The following HDGFL2 variants were observed in gnomAD, a reference collection of about 807,000 sequenced individuals.
HDGFL2 encodes the protein hepatoma-derived growth factor-related protein 2.
Under a neutral mutation model 77.1 loss-of-function variants are expected in HDGFL2, and 36 were observed. The ratio of observed to expected loss-of-function variants is 0.47; its 90% confidence interval spans 0.36 to 0.62. The LOEUF (loss-of-function observed/expected upper bound fraction) is 0.62, where lower values mean the gene tolerates loss of function less well. Among genes scored for constraint, HDGFL2 ranks in the 20% least tolerant of loss-of-function variants. The pLI, the probability that HDGFL2 is intolerant of heterozygous loss-of-function variation, is 0.00. For synonymous variants in HDGFL2, 463 were observed against 413.1 expected (o/e 1.12, Z -1.46); for missense variants, 976 against 973.4 (o/e 1.00, Z -0.04).
intron 3 of HDGFL2, among the ~76,000 whole-genome samples, chr19:4,483,692 C>T (rs1410501279): frequency 6.6e-6 from 1 of 152,082 alleles, no homozygotes; most frequent in Non-Finnish European, 1.5e-5. Flanking sequence ...TCTCCTCCAC[C>T]TTGCTCTCTC....
chr19:4,478,054 TG>T (rs1975114939), intron 3 of HDGFL2, among the ~76,000 whole-genome samples: 1 of 131,656 alleles, frequency 7.6e-6, no homozygotes, highest in Non-Finnish European at 1.6e-5. Context: ...TACTCCAGCC[TG>T]GGCAACAGAA....
At position 4,475,283 on chromosome 19, in the gene HDGFL2, C is replaced by A. The variant is rs1975041832; in HGVS notation, c.81C>A (p.Asp27Glu). The A allele has an allele frequency of 2.5e-6, 4 of 1,614,120 alleles. No individual in the cohort carries two copies. The highest frequency in any genetic ancestry group is 3.4e-6 in the Non-Finnish European group (4 of 1,180,014). ...GYPHWPARIDDIADGAVKPPP... is the reference protein window; with the variant it reads ...GYPHWPARIDEIADGAVKPPP... ...CTGGCCTCTCACTGCAGATCGACGACATCGCGGATGGCGCCGTGAAGCCCC... is the reference window on the plus strand; with the variant it reads ...CTGGCCTCTCACTGCAGATCGACGAAATCGCGGATGGCGCCGTGAAGCCCC... The change falls in exon 2 of 16, where the codon GAC becomes GAA. Residue 27 changes from aspartate (D) to glutamate (E), a missense_variant. By Grantham distance (45) the Asp-to-Glu change is conservative. Around this residue, in one of 5 missense-constraint regions of HDGFL2, gnomAD observed 103 missense variants for 145.7 expected, o/e 0.71. Transcript: ENST00000616600.
At chr19:4,496,015 C>T (rs1975692309) in intron 9 of HDGFL2, among the ~76,000 whole-genome samples, 1 of 152,076 alleles carries the variant, frequency 6.6e-6, no homozygotes, top group African/African-American at 2.4e-5. Context: ...GAAAGGGCAC[C>T]GAACTCCTGG....
Position 4,498,330 on chromosome 19 carries a change from A to T in HDGFL2, c.1427A>T (p.Gln476Leu), listed in dbSNP as rs746091792. The change falls in exon 12 of 16, where the codon CAG becomes CTG. Residue 476 changes from glutamine to leucine, a missense_variant. Coordinates refer to ENST00000616600, the MANE Select transcript of HDGFL2 (RefSeq NM_001001520.3). The stretch of plus-strand genomic sequence containing the variant: ...GAGCCCTCCGTGGAGGAGAAGCTGC[A>T]GAAGCTGCACAGTGAGATCAAGTTT... ...KKEPSVEEKL[Q>L]KLHSEIKFAL... is the part of the protein sequence containing the mutation. The T allele has an allele frequency of 3.1e-6, 5 of 1,613,780 alleles. No homozygotes were observed. Among genetic ancestry groups the T allele is most frequent in the Non-Finnish European group, 3.4e-6 (4 of 1,179,986 alleles).
intron 3 of HDGFL2, among the ~76,000 whole-genome samples, chr19:4,486,770 C>G (rs912274290): frequency 1.3e-5 from 2 of 152,124 alleles, no homozygotes; most frequent in African/African-American, 4.8e-5. Flanking sequence ...TTCACCATCT[C>G]CACCCGCTTC....
intron 1 of HDGFL2, among the ~76,000 whole-genome samples, chr19:4,473,331 C>A (rs972856304): frequency 6.7e-6 from 1 of 149,772 alleles, no homozygotes. Flanking sequence ...CCATGGGGAT[C>A]TGGGGTTGCC....
rs34398630 is a variant in HDGFL2, at chr19:4,482,026, C to CTTTTTTTTTT, written c.288+6458_288+6467dup. 4.0e-4 allele frequency among the ~76,000 whole-genome samples: 29 copies of CTTTTTTTTTT among 71,658 alleles called. 1 individual carries two copies. Among genetic ancestry groups the CTTTTTTTTTT allele is most frequent in the African/African-American group, 7.9e-4 (13 of 16,554 alleles). 47.0% of individuals were successfully genotyped at this position (71,658 alleles called of 152,430 possible). On this transcript the variant is annotated intron_variant, in intron 3 of 15. Transcript: ENST00000616600. Reference sequence around the variant, plus strand: ...GGACTGGAAGTTGGCTGGCTTTGGCCTTTTTTTTTTTTTTTTTTTTTTTTG... The same window carrying CTTTTTTTTTT: ...GGACTGGAAGTTGGCTGGCTTTGGCCTTTTTTTTTTTTTTTTTTTTTTTTTTTTTTTTTTG...
intron 10 of HDGFL2, 84 bp downstream of exon 10, chr19:4,496,489 C>G: frequency 9.6e-7 from 1 of 1,045,068 alleles, no homozygotes; most frequent in South Asian, 1.3e-5. Flanking sequence ...AGGGGCAGCC[C>G]CACCTCTGAG....
intron 10 of HDGFL2, 54 bp downstream of exon 10, chr19:4,496,459 C>G: frequency 1.5e-6 from 2 of 1,351,940 alleles, no homozygotes; most frequent in Non-Finnish European, 2.1e-6. Flanking sequence ...CCGCATCACC[C>G]CACAACCCTC....
chr19:4,494,508 TCACTC>T (rs1323338827), intron 9 of HDGFL2, 33 bp downstream of exon 9: 1 of 1,349,100 alleles, frequency 7.4e-7, no homozygotes, highest in South Asian at 1.8e-5. Flanking sequence ...GTCCCTGCCT[TCACTC>T]CACACGTTTA....
chr19:4,497,964 G>C lies in HDGFL2; in HGVS notation c.1335G>C (p.Val445=), dbSNP rs1975751036. ...RPEEKQQAKP[V]KVERTRKRSE... ...GGGGAGCACTTCTCCACAGGCCCGT[G>C]AAGGTGGAGCGGACCCGGAAGCGGT... Residue 445 remains valine, a synonymous_variant, in exon 11 of 16, where the codon GTG becomes GTC. Transcript: ENST00000616600. The C allele has an allele frequency of 1.9e-6, 3 of 1,553,372 alleles. No homozygotes were observed. Among genetic ancestry groups the C allele is most frequent in the Admixed American group, 2.0e-5 (1 of 51,164 alleles).
At chr19:4,485,098 G>T (rs935922482) in intron 3 of HDGFL2, among the ~76,000 whole-genome samples, 27 of 152,138 alleles carry the variant, frequency 1.8e-4, no homozygotes, top group African/African-American at 6.5e-4. Flanking sequence ...GAGCCACTGC[G>T]CCTGGCCCAG....
intron 6 of HDGFL2, among the ~76,000 whole-genome samples, chr19:4,493,182 GGT>G (rs1975590043): frequency 7.6e-6 from 1 of 132,192 alleles, no homozygotes; most frequent in South Asian, 2.4e-4. Context: ...GTGTGTGCGT[GGT>G]GTGTGTGTTG....
At chr19:4,488,913 C>G (rs1038682096) in intron 4 of HDGFL2, 37 bp downstream of exon 4, 1 of 1,502,590 alleles carries the variant, frequency 6.7e-7, no homozygotes. Flanking sequence ...CCTTCATCCC[C>G]TTGCCCTGAT....
intron 9 of HDGFL2, among the ~76,000 whole-genome samples, chr19:4,494,797 A>G (rs1975657920): frequency 1.3e-5 from 2 of 152,132 alleles, no homozygotes; most frequent in Admixed American, 1.3e-4. Context: ...GTGCGCCTGT[A>G]TAGTCCCGGC....
intron 10 of HDGFL2, chr19:4,497,094 C>A (rs183047202): frequency 2.3e-6 from 1 of 428,014 alleles, no homozygotes; most frequent in Non-Finnish European, 4.6e-6. Flanking sequence ...AGGCTGGTCT[C>A]GATCTCCTGA....
intron 4 of HDGFL2, among the ~76,000 whole-genome samples, chr19:4,489,900 C>T (rs1975462529): frequency 6.6e-6 from 1 of 152,104 alleles, no homozygotes; most frequent in African/African-American, 2.4e-5. Flanking sequence ...ATCAGCTGAT[C>T]CTCCGCATCC....
intron 13 of HDGFL2, among the ~76,000 whole-genome samples, 199 bp downstream of exon 13, chr19:4,499,114 G>A (rs1975785989): frequency 6.6e-6 from 1 of 152,142 alleles, no homozygotes; most frequent in African/African-American, 2.4e-5. Flanking sequence ...TTGGGAGGCT[G>A]AGGCAGGCGG....
At chr19:4,475,210 C>A in intron 1 of HDGFL2, 65 bp from the exon 2 acceptor site, 2 of 1,452,506 alleles carry the variant, frequency 1.4e-6, no homozygotes, top group Non-Finnish European at 1.9e-6. Flanking sequence ...AGTAACTTGG[C>A]TGATTTCTCG....
Sources: gnomAD v4.1 joint callset for allele counts (sites outside exome capture counted in the v4.1 genomes callset) on GRCh38, gnomAD v4.1.1 for gene constraint, gnomAD v4.1.1 regional missense constraint, MANE v1.5 for transcripts, NCBI Gene and HGNC (gene_info 2026-07-23, HGNC 2026-07-21) for gene names.